MPP7: variants seen among roughly 807,000 people sequenced by gnomAD.
MPP7 encodes the protein MAGUK p55 subfamily member 7.
MPP7 carries 60 observed loss-of-function variants against 76.5 expected under a neutral mutation model. That is an observed-to-expected ratio of 0.78 (90% CI 0.64 to 0.97). The LOEUF is 0.97. MPP7 is among the 50% of genes least tolerant of loss of function. The pLI, the probability that MPP7 is intolerant of heterozygous loss-of-function variation, is 0.00. For missense variants in MPP7, 641 were observed against 694.0 expected, an observed-to-expected ratio of 0.92 and a Z score of 0.86; for synonymous variants, 237 against 244.5, an observed-to-expected ratio of 0.97 and a Z score of 0.29.
intron 5 of MPP7, among the ~76,000 whole-genome samples, chr10:28,132,202 G>A (rs1018003032): frequency 6.6e-6 from 1 of 151,976 alleles, no homozygotes; most frequent in Non-Finnish European, 1.5e-5. Flanking sequence ...CTTTAATTGT[G>A]TGTGTAATTG....
At chr10:28,109,681 G>A (rs998793866) in intron 11 of MPP7, among the ~76,000 whole-genome samples, 2 of 151,404 alleles carry the variant, frequency 1.3e-5, no homozygotes, top group Non-Finnish European at 2.9e-5. Context: ...TAATGACTTC[G>A]AGGAAAGCAA....
chr10:28,172,000 G>A (rs1348792125), intron 3 of MPP7, among the ~76,000 whole-genome samples: 1 of 152,104 alleles, frequency 6.6e-6, no homozygotes, highest in Non-Finnish European at 1.5e-5. Flanking sequence ...GAATAATGTT[G>A]CCAAAGCAGC....
At chr10:28,322,367 C>T (rs1410294288) in intron 2 of MPP7, among the ~76,000 whole-genome samples, 2 of 151,924 alleles carry the variant, frequency 1.3e-5, no homozygotes, top group Non-Finnish European at 2.9e-5. Context: ...ATTTTTCCTG[C>T]TTTTCTAAAA....
chr10:28,079,188 C>T (rs1190766579), intron 12 of MPP7, among the ~76,000 whole-genome samples: 2 of 152,034 alleles, frequency 1.3e-5, no homozygotes, highest in Non-Finnish European at 2.9e-5. Flanking sequence ...TGATTTGTAA[C>T]AAATGTTTAT....
At chr10:28,206,083 G>A (rs1837941657) in intron 2 of MPP7, among the ~76,000 whole-genome samples, 2 of 152,090 alleles carry the variant, frequency 1.3e-5, no homozygotes, top group African/African-American at 2.4e-5. Context: ...ATAAAATTCT[G>A]TTCATTACAA....
intron 5 of MPP7, among the ~76,000 whole-genome samples, chr10:28,132,124 A>G (rs1360276339): frequency 6.6e-6 from 1 of 152,016 alleles, no homozygotes; most frequent in African/African-American, 2.4e-5. Context: ...CTTTCCTACT[A>G]TTTTTTCTCC....
chr10:28,114,165 C>A (rs1322367250), intron 11 of MPP7, among the ~76,000 whole-genome samples: 2 of 152,204 alleles, frequency 1.3e-5, no homozygotes, highest in Admixed American at 6.5e-5. Context: ...AATCCCAGCA[C>A]TTTGGGAGGC....
rs546561290 is a variant in MPP7 at position 28,186,673 on chromosome 10, G to A, written c.156+15480C>T. ...AGGACGTGAAGTGCCACCTGTCATG[G>A]CATTAAAGCCAGATATCCAAAAATA... On this transcript the variant is annotated intron_variant, in intron 3 of 16. Coordinates refer to ENST00000683449, the MANE Select transcript of MPP7 (RefSeq NM_001318170.2). 4.4e-4 allele frequency among the ~76,000 whole-genome samples: 67 copies of A among 152,318 alleles called. 1 individual carries two copies. Among genetic ancestry groups the A allele is most frequent in the Admixed American group, 4.1e-3 (62 of 15,296 alleles).
intron 3 of MPP7, among the ~76,000 whole-genome samples, chr10:28,179,508 AT>A (rs1564681089): frequency 6.6e-6 from 1 of 152,226 alleles, no homozygotes; most frequent in Non-Finnish European, 1.5e-5. Flanking sequence ...TTTCTTGGAA[AT>A]ATCATACATT....
chr10:28,120,756 A>G, intron 8 of MPP7, 88 bp from the exon 9 acceptor site: 1 of 1,009,534 alleles, frequency 9.9e-7, no homozygotes, highest in Non-Finnish European at 1.5e-6. Flanking sequence ...TGCATCTGAA[A>G]ATTTACAAGC....
intron 3 of MPP7, among the ~76,000 whole-genome samples, chr10:28,161,657 T>G (rs1836268552): frequency 6.6e-6 from 1 of 152,110 alleles, no homozygotes; most frequent in East Asian, 1.9e-4. Flanking sequence ...TCCTACCACC[T>G]CAAAGCTAAA....
At chr10:28,056,808 G>A (rs1851575976) in intron 15 of MPP7, among the ~76,000 whole-genome samples, 185 bp from the exon 16 acceptor site, 1 of 152,138 alleles carries the variant, frequency 6.6e-6, no homozygotes, top group African/African-American at 2.4e-5. Flanking sequence ...GCTGGGGAAT[G>A]TAACTTGGCA....
At chr10:28,221,726 T>G (rs947766969) in intron 2 of MPP7, among the ~76,000 whole-genome samples, 4 of 152,166 alleles carry the variant, frequency 2.6e-5, no homozygotes, top group Admixed American at 6.6e-5. Flanking sequence ...AAGCAAAATA[T>G]ATATACCTTA....
chr10:28,118,015 C>CAA (rs148306655), intron 11 of MPP7: 104 of 814,798 alleles, frequency 1.3e-4, no homozygotes, highest in Middle Eastern at 1.3e-3. Context: ...AAAACAAAAA[C>CAA]AAAAAAAAAC....
intron 2 of MPP7, among the ~76,000 whole-genome samples, chr10:28,208,387 G>A (rs1838016322): frequency 1.3e-5 from 2 of 152,086 alleles, no homozygotes; most frequent in Admixed American, 6.6e-5. Context: ...AAATATCCTG[G>A]GGGTGTATAT....
intron 6 of MPP7, among the ~76,000 whole-genome samples, chr10:28,126,150 A>C (rs1351702309): frequency 2.0e-5 from 3 of 152,314 alleles, no homozygotes; most frequent in African/African-American, 4.8e-5. Context: ...AATAGTAAAA[A>C]AGTCAAAGAA....
chr10:28,096,801 C>T (rs78972496), intron 11 of MPP7, among the ~76,000 whole-genome samples: 1,597 of 152,168 alleles, frequency 0.01, 24 homozygotes, highest in African/African-American at 0.037. Flanking sequence ...ATGATGAAAT[C>T]AGGCCTGGGA....
In MPP7 at chr10:28,124,029, A is replaced by C. The variant is rs1382292875; in HGVS notation, c.615+2T>G. Reference sequence around the variant, plus strand: ...TACCTTTAAAAGAAATTTACAGCTTACCAAAATCTGTATTATTTCCTCAGG... The same window carrying C: ...TACCTTTAAAAGAAATTTACAGCTTCCCAAAATCTGTATTATTTCCTCAGG... On this transcript the variant is annotated splice_donor_variant, in intron 8 of 16. Coordinates refer to ENST00000683449, the MANE Select transcript of MPP7 (RefSeq NM_001318170.2). LOFTEE classifies it high-confidence loss of function. 1 of 1,590,220 alleles carries C rather than the reference A, an allele frequency of 6.3e-7. No individual in the cohort carries two copies.
chr10:28,216,444 T>C (rs549202269), intron 2 of MPP7, among the ~76,000 whole-genome samples: 8 of 152,354 alleles, frequency 5.3e-5, no homozygotes, highest in East Asian at 1.9e-4. Context: ...TATTGGCTGA[T>C]GTAAACTGTA....
Sources: allele counts gnomAD v4.1 joint callset (sites outside exome capture counted in the v4.1 genomes callset), GRCh38; gene constraint gnomAD v4.1.1; transcripts MANE v1.5; gene names NCBI Gene and HGNC (gene_info 2026-07-23, HGNC 2026-07-21).